CARS2: variants seen among roughly 807,000 people sequenced by gnomAD.
CARS2 encodes the protein cysteinyl-tRNA synthetase 2, mitochondrial, also known as probable cysteine--tRNA ligase, mitochondrial.
A neutral mutation model predicts 68.8 loss-of-function variants in CARS2; 52 were observed. The ratio of observed to expected loss-of-function variants is 0.76; its 90% CI spans 0.61 to 0.95. CARS2 has a LOEUF of 0.95. Ranked by LOEUF, CARS2 falls within the 40% of genes least tolerant of loss-of-function variation. The pLI is 0.00. For synonymous variants in CARS2, 314 were observed against 303.6 expected (o/e 1.03, Z -0.36); for missense variants, 780 against 754.2 (o/e 1.03, Z -0.40).
intron 3 of CARS2, among the ~76,000 whole-genome samples, chr13:110,692,113 T>C (rs534305122): frequency 5.6e-4 from 83 of 147,448 alleles, no homozygotes; most frequent in South Asian, 5.2e-3. Context: ...TATATATATA[T>C]ACACACACAT....
At chr13:110,650,078 A>T (rs2062164686) in intron 10 of CARS2, among the ~76,000 whole-genome samples, 1 of 151,736 alleles carries the variant, frequency 6.6e-6, no homozygotes, top group Non-Finnish European at 1.5e-5. Flanking sequence ...CTGAGATTAC[A>T]GGTGCATGCC....
At chr13:110,712,953 G>T in intron 1 of CARS2, 1 of 1,560,104 alleles carries the variant, frequency 6.4e-7, no homozygotes, top group Non-Finnish European at 8.7e-7. Flanking sequence ...AGGCTGCTGG[G>T]AGTGGTGGTC....
At chr13:110,702,469 C>T (rs1355952224) in intron 2 of CARS2, among the ~76,000 whole-genome samples, 1 of 152,266 alleles carries the variant, frequency 6.6e-6, no homozygotes, top group Non-Finnish European at 1.5e-5. Flanking sequence ...TCTAAAAACA[C>T]AAGCTATTAT....
chr13:110,642,692 G>C, intron 13 of CARS2, 171 bp from the exon 14 acceptor site: 3 of 774,888 alleles, frequency 3.9e-6, no homozygotes, highest in Non-Finnish European at 7.1e-6. Flanking sequence ...GCCCGCGAGC[G>C]CTGGGCTCTG....
intron 3 of CARS2, among the ~76,000 whole-genome samples, chr13:110,700,235 T>C (rs2063744375): frequency 6.6e-6 from 1 of 152,198 alleles, no homozygotes. Flanking sequence ...AGGGAACTAC[T>C]GAAGACTGAA....
chr13:110,663,445 C>T lies in CARS2; in HGVS notation c.987+6G>A, dbSNP rs1479157443. On this transcript the variant is annotated splice_donor_region_variant and intron_variant, in intron 9 of 14. Coordinates refer to ENST00000257347, the MANE Select transcript of CARS2 (RefSeq NM_024537.4). ...CCTCAGAGATACAATACAAAAAGCA[C>T]GTTACCTTAATAGTAATGTAGTTCT... The T allele has an allele frequency of 5.0e-6, 8 of 1,611,884 alleles. No individual in the cohort carries two copies. Among genetic ancestry groups the T allele is most frequent in the Admixed American group, 1.7e-5 (1 of 59,520 alleles).
chr13:110,705,463 A>C lies in CARS2; in HGVS notation c.275+58T>G. ...TTAAGAGATAAAAGAAATCAGCAAAAGGCTTTCAAAAATAAATGGTCCTTT... is the reference window on the plus strand; with the variant it reads ...TTAAGAGATAAAAGAAATCAGCAAACGGCTTTCAAAAATAAATGGTCCTTT... On this transcript the variant is annotated intron_variant, in intron 2 of 14. Transcript: ENST00000257347. This position sits in a 1 kb window ranked among gnomAD's most constrained non-coding sequence, Gnocchi z 4.0. 1 of 1,239,382 alleles carries C rather than the reference A, an allele frequency of 8.1e-7. No homozygotes were observed. The highest frequency in any genetic ancestry group is 1.1e-6 in the Non-Finnish European group (1 of 875,600). 76.8% of individuals were successfully genotyped at this position (1,239,382 alleles called of 1,614,324 possible). A position where few individuals can be genotyped will look rare whatever the true frequency, so the allele number is the denominator to read the frequency against.
chr13:110,707,096 A>T (rs371072588), upstream of CARS2, among the ~76,000 whole-genome samples: 1 of 151,424 alleles, frequency 6.6e-6, no homozygotes, highest in African/African-American at 2.4e-5. Context: ...CCATGTCTGC[A>T]CCCCAGTACA....
At chr13:110,645,167 A>C (rs2139676606) in intron 12 of CARS2, 1 of 152,448 alleles carries the variant, frequency 6.6e-6, no homozygotes, top group South Asian at 2.1e-4. Flanking sequence ...GCCGGCTGTG[A>C]CTCAAATGCC....
intron 11 of CARS2, 123 bp from the exon 12 acceptor site, chr13:110,646,213 A>G (rs558813501): frequency 1.2e-4 from 134 of 1,148,802 alleles, no homozygotes; most frequent in Admixed American, 4.8e-4. Flanking sequence ...TCTCTAGGTC[A>G]TATTCCCAAA....
intron 10 of CARS2, among the ~76,000 whole-genome samples, chr13:110,649,475 A>T (rs1202208897): frequency 6.6e-6 from 1 of 152,102 alleles, no homozygotes; most frequent in Non-Finnish European, 1.5e-5. Flanking sequence ...TGGATAGGGG[A>T]CCAGCCCAGG....
chr13:110,674,463 G>A (rs919897852), intron 7 of CARS2, among the ~76,000 whole-genome samples: 5 of 151,210 alleles, frequency 3.3e-5, no homozygotes, highest in African/African-American at 1.2e-4. Flanking sequence ...AAGAAATGGG[G>A]AAAGGATTCC....
At position 110,687,931 on chromosome 13, in the gene CARS2, C is replaced by G. The variant is rs371021982; in HGVS notation, c.465+16G>C. Reference sequence around the variant, plus strand: ...CTGTCACCCTCATGGCAGGAACAACCAGCCCCACACTTTACCTTCAGGGCT... The same window carrying G: ...CTGTCACCCTCATGGCAGGAACAACGAGCCCCACACTTTACCTTCAGGGCT... On this transcript the variant is annotated intron_variant, in intron 4 of 14. Coordinates refer to ENST00000257347, the MANE Select transcript of CARS2 (RefSeq NM_024537.4). The G allele has an allele frequency of 1.2e-6, 2 of 1,607,380 alleles. No homozygotes were observed. Among genetic ancestry groups the G allele is most frequent in the Non-Finnish European group, 1.7e-6 (2 of 1,174,310 alleles).
Position 110,656,637 on chromosome 13 carries a change from C to T in CARS2, c.988-5537G>A, listed in dbSNP as rs556288671. On this transcript the variant is annotated intron_variant, in intron 9 of 14. Transcript: ENST00000257347. ...TGGTGGCTCACGCCTGTAAGCCCAG[C>T]ACTTTGGGAGGCCGAGGCAGGTGGA... Among the ~76,000 whole-genome samples the T allele has an allele frequency of 3.9e-5, 6 of 152,268 alleles. No individual in the cohort carries two copies. In the South Asian group the frequency reaches 1.0e-3, roughly 26 times the overall value.
At chr13:110,713,299 G>A (rs1776670225) in exon 1 of CARS2, 7 of 1,237,472 alleles carry the variant, frequency 5.7e-6, no homozygotes, top group East Asian at 3.5e-5. Context: ...TAGTTGCTGT[G>A]TACCATGGTC....
At position 110,705,761 on chromosome 13, in the gene CARS2, C is replaced by T. The variant is rs1162236168; in HGVS notation, c.224+109G>A. On this transcript the variant is annotated intron_variant, in intron 1 of 14. Transcript: ENST00000257347. This position sits in a 1 kb window ranked among gnomAD's most constrained non-coding sequence, Gnocchi z 4.0. ...CGCACCCCCAGCTTCTAGAACGGCG[C>T]CCTCCATGCAGCTTCCTAAACGCCC... 2.1e-5 allele frequency: 32 copies of T among 1,534,582 alleles called. No individual in the cohort carries two copies. Among genetic ancestry groups the T allele is most frequent in the Non-Finnish European group, 2.7e-5 (31 of 1,144,440 alleles).
intron 3 of CARS2, among the ~76,000 whole-genome samples, chr13:110,695,123 A>G (rs1410714449): frequency 6.6e-6 from 1 of 152,038 alleles, no homozygotes; most frequent in African/African-American, 2.4e-5. Context: ...CTCTTCAAAA[A>G]ATACAAAAAT....
At chr13:110,651,011 C>T in intron 10 of CARS2, 23 bp downstream of exon 10, 1 of 1,582,470 alleles carries the variant, frequency 6.3e-7, no homozygotes, top group South Asian at 1.1e-5. Context: ...GGGGGGAGTC[C>T]ACTCCACGTG....
At chr13:110,667,010 A>C in intron 8 of CARS2, 1 of 883,186 alleles carries the variant, frequency 1.1e-6, no homozygotes, top group Non-Finnish European at 1.4e-6. Context: ...TAGTGACAAC[A>C]TTATAGCTTC....
Sources: gnomAD v4.1 joint callset for allele counts (sites outside exome capture counted in the v4.1 genomes callset) on GRCh38, gnomAD v4.1.1 for gene constraint, Gnocchi (gnomAD v3.1) non-coding constraint, MANE v1.5 for transcripts, NCBI Gene and HGNC (gene_info 2026-07-23, HGNC 2026-07-21) for gene names.